CDKAL1: variants seen among roughly 807,000 people sequenced by gnomAD.
The protein encoded by CDKAL1 is threonylcarbamoyladenosine tRNA methylthiotransferase.
In CDKAL1, 32 loss-of-function variants were observed where a neutral mutation model predicts 68.2. That is an observed-to-expected ratio of 0.47 (90% CI 0.35 to 0.63). The LOEUF (loss-of-function observed/expected upper bound fraction) is 0.63, where lower values mean the gene tolerates loss of function less well. CDKAL1 is among the 30% of genes least tolerant of loss of function. The pLI, the probability that CDKAL1 is intolerant of heterozygous loss-of-function variation, is 0.00. For missense variants in CDKAL1, 606 were observed against 696.7 expected, an observed-to-expected ratio of 0.87 and a Z score of 1.47; for synonymous variants, 234 against 244.3, an observed-to-expected ratio of 0.96 and a Z score of 0.39.
intron 5 of CDKAL1, among the ~76,000 whole-genome samples, chr6:20,720,833 C>T (rs932537396): frequency 1.3e-5 from 2 of 152,210 alleles, no homozygotes; most frequent in African/African-American, 4.8e-5. Context: ...CATTTTTTAA[C>T]TCCCACATGT....
intron 4 of CDKAL1, among the ~76,000 whole-genome samples, chr6:20,579,718 T>G (rs7341226): frequency 0.26 from 39,951 of 152,124 alleles, 5,540 homozygotes; most frequent in Middle Eastern, 0.37. Context: ...CACTGCACCG[T>G]GTGCCTCAGC....
intron 6 of CDKAL1, among the ~76,000 whole-genome samples, chr6:20,742,838 C>A (rs1170892513): frequency 1.3e-5 from 2 of 151,794 alleles, no homozygotes; most frequent in African/African-American, 4.8e-5. Context: ...TTTTGTAGAG[C>A]ATTTTTTTCT....
intron 6 of CDKAL1, among the ~76,000 whole-genome samples, chr6:20,744,920 T>G (rs929116742): frequency 1.3e-4 from 20 of 152,252 alleles, no homozygotes; most frequent in African/African-American, 4.3e-4. Flanking sequence ...ATTATAGCTC[T>G]AGAAATTCTA....
intron 15 of CDKAL1, among the ~76,000 whole-genome samples, chr6:21,211,614 T>C (rs1779150387): frequency 6.6e-6 from 1 of 152,194 alleles, no homozygotes; most frequent in South Asian, 2.1e-4. Context: ...GCACATGGTA[T>C]TTGTATTCAT....
chr6:21,105,043 C>T (rs1022853175), intron 12 of CDKAL1, among the ~76,000 whole-genome samples: 3 of 152,030 alleles, frequency 2.0e-5, no homozygotes, highest in Non-Finnish European at 4.4e-5. Flanking sequence ...AATATTTTCC[C>T]CAGTGTTTTA....
At chr6:21,215,194 G>A (rs1779298842) in intron 15 of CDKAL1, among the ~76,000 whole-genome samples, 1 of 152,168 alleles carries the variant, frequency 6.6e-6, no homozygotes, top group African/African-American at 2.4e-5. Context: ...GGACTCCGTG[G>A]GTGAATCAGC....
At position 21,154,938 on chromosome 6, in the gene CDKAL1, A is replaced by T. The variant is rs1216040281; in HGVS notation, c.1300-43083A>T. 2.0e-5 allele frequency among the ~76,000 whole-genome samples: 3 copies of T among 151,906 alleles called. No individual in the cohort carries two copies. The East Asian group carries it at 5.8e-4, about 29-fold the overall frequency. On this transcript the variant is annotated intron_variant, in intron 13 of 15. Transcript: ENST00000274695. ...AACCCAGGAGGCGGAGGTTTCAGTG[A>T]GCCGATTGTGCCACTGCACTCCAGC... is the stretch of plus-strand genomic sequence containing the variant.
At chr6:20,937,431 C>A (rs1225659682) in intron 9 of CDKAL1, among the ~76,000 whole-genome samples, 1 of 152,170 alleles carries the variant, frequency 6.6e-6, no homozygotes, top group African/African-American at 2.4e-5. Context: ...ACTATCAATA[C>A]CAGAAACTTA....
chr6:20,930,135 G>A (rs1486546662), intron 9 of CDKAL1, among the ~76,000 whole-genome samples: 1 of 152,078 alleles, frequency 6.6e-6, no homozygotes, highest in African/African-American at 2.4e-5. Context: ...AAAACACTTA[G>A]TGAGCTAAAA....
chr6:21,069,770 C>CTTTTTTTTT (rs1771654458), intron 12 of CDKAL1, among the ~76,000 whole-genome samples: 2 of 42,254 alleles, frequency 4.7e-5, no homozygotes, highest in Non-Finnish European at 5.8e-5. Context: ...CCCAGATTTT[C>CTTTTTTTTT]TTTCTTTTTT....
intron 5 of CDKAL1, among the ~76,000 whole-genome samples, chr6:20,660,505 T>G (rs1478846209): frequency 6.6e-6 from 1 of 152,214 alleles, no homozygotes; most frequent in Non-Finnish European, 1.5e-5. Context: ...ACTTCTAATA[T>G]TGTATTCCTG....
At chr6:20,791,873 A>G (rs1775912382) in intron 8 of CDKAL1, among the ~76,000 whole-genome samples, 2 of 151,556 alleles carry the variant, frequency 1.3e-5, no homozygotes, top group South Asian at 2.1e-4. Flanking sequence ...AGTGAGTTGC[A>G]CTTGGAAGGG....
intron 4 of CDKAL1, among the ~76,000 whole-genome samples, chr6:20,567,691 T>G (rs1219964066): frequency 6.6e-6 from 1 of 151,754 alleles, no homozygotes; most frequent in Admixed American, 6.6e-5. Context: ...TTATCTAGTC[T>G]CAGCTTTTTA....
At chr6:20,622,998 T>C (rs1767264629) in intron 4 of CDKAL1, among the ~76,000 whole-genome samples, 1 of 152,148 alleles carries the variant, frequency 6.6e-6, no homozygotes, top group South Asian at 2.1e-4. Flanking sequence ...ATAAAGTATT[T>C]TTATGTCTAA....
chr6:20,543,563 G>A (rs1241151422), intron 2 of CDKAL1, among the ~76,000 whole-genome samples: 1 of 152,012 alleles, frequency 6.6e-6, no homozygotes, highest in Non-Finnish European at 1.5e-5. Context: ...TCTTAATAGG[G>A]TCTTTCTTAA....
intron 11 of CDKAL1, among the ~76,000 whole-genome samples, chr6:21,017,027 G>A (rs1768377764): frequency 6.6e-6 from 1 of 152,182 alleles, no homozygotes; most frequent in Non-Finnish European, 1.5e-5. Flanking sequence ...ATAAGGAACA[G>A]TAACAACAAC....
chr6:20,609,276 C>T (rs13206468), intron 4 of CDKAL1, among the ~76,000 whole-genome samples: 104 of 131,742 alleles, frequency 7.9e-4, no homozygotes, highest in African/African-American at 1.9e-3. Context: ...TCCTCCTTCT[C>T]CTCCTTCTCC....
intron 9 of CDKAL1, among the ~76,000 whole-genome samples, chr6:20,872,135 A>G (rs965174214): frequency 2.0e-5 from 3 of 152,216 alleles, no homozygotes; most frequent in African/African-American, 7.2e-5. Context: ...GTTTAAAAAC[A>G]TAACCAACAA....
At chr6:20,988,772 C>G (rs1766625964) in intron 10 of CDKAL1, among the ~76,000 whole-genome samples, 2 of 152,212 alleles carry the variant, frequency 1.3e-5, no homozygotes, top group South Asian at 2.1e-4. Flanking sequence ...GCCTCAGCCT[C>G]CCCAGTAGCT....
Sources: gnomAD v4.1 joint callset for allele counts (sites outside exome capture counted in the v4.1 genomes callset) on GRCh38, gnomAD v4.1.1 for gene constraint, MANE v1.5 for transcripts, NCBI Gene and HGNC (gene_info 2026-07-23, HGNC 2026-07-21) for gene names.